The following UBN2 variants were observed in gnomAD, a reference collection of about 807,000 sequenced individuals.
UBN2 encodes ubinuclein-2.
A neutral mutation model predicts 120.2 loss-of-function variants in UBN2; 35 were observed. The ratio of observed to expected loss-of-function variants is 0.29; its 90% CI spans 0.22 to 0.39. UBN2 has a LOEUF of 0.39. Among genes scored for constraint, UBN2 ranks in the 10% least tolerant of loss-of-function variants. UBN2 has a pLI of 1.00. For missense variants in UBN2, 1,693 were observed against 1,663.2 expected (o/e 1.02, Z -0.31); for synonymous variants, 661 against 648.7 (o/e 1.02, Z -0.29).
At chr7:139,281,973 A>G (rs763580415) in intron 13 of UBN2, 32 bp from the exon 14 acceptor site, 2 of 1,606,454 alleles carry the variant, frequency 1.2e-6, no homozygotes, top group Admixed American at 3.3e-5. Context: ...GTGTAACAGT[A>G]TTCTTAACAG....
the UBN2 span, among the ~76,000 whole-genome samples, chr7:139,318,613 AG>A: frequency 6.6e-6 from 1 of 152,042 alleles, no homozygotes; most frequent in African/African-American, 2.4e-5. Context: ...CTCCCACCTC[AG>A]TCTCCCAAAT....
At chr7:139,292,096 C>CA (rs1297050851) in intron 15 of UBN2, among the ~76,000 whole-genome samples, 2 of 151,598 alleles carry the variant, frequency 1.3e-5, no homozygotes, top group South Asian at 2.1e-4. Context: ...ATAATAAATA[C>CA]AAAAAATGTT....
intron 17 of UBN2, among the ~76,000 whole-genome samples, chr7:139,295,749 A>G (rs958597747): frequency 3.3e-5 from 5 of 152,262 alleles, no homozygotes; most frequent in South Asian, 2.1e-4. Context: ...GTGAAACACT[A>G]TCTCTACAAA....
chr7:139,281,936 CT>C, intron 13 of UBN2, 68 bp from the exon 14 acceptor site: 1 of 1,495,996 alleles, frequency 6.7e-7, no homozygotes, highest in Non-Finnish European at 9.3e-7. Context: ...AGAGTAAAAG[CT>C]TAGAAAAAAT....
At chr7:139,281,133 T>C (rs1797596054) in intron 13 of UBN2, among the ~76,000 whole-genome samples, 1 of 152,222 alleles carries the variant, frequency 6.6e-6, no homozygotes, top group Non-Finnish European at 1.5e-5. Context: ...AACATATGAT[T>C]AATAGAATAA....
At chr7:139,329,960 GA>G in the UBN2 span, among the ~76,000 whole-genome samples, 4 of 152,136 alleles carry the variant, frequency 2.6e-5, no homozygotes, top group Non-Finnish European at 5.9e-5. Context: ...CAATGACTAA[GA>G]ACTCTAGCTT....
downstream of UBN2, among the ~76,000 whole-genome samples, chr7:139,310,006 G>GT (rs1434555388): frequency 6.6e-6 from 1 of 152,136 alleles, no homozygotes; most frequent in African/African-American, 2.4e-5. Flanking sequence ...ACATGAGTAA[G>GT]TAAGTTGTTT....
intron 7 of UBN2, among the ~76,000 whole-genome samples, chr7:139,267,834 G>C (rs1797145614): frequency 6.6e-6 from 1 of 152,140 alleles, no homozygotes; most frequent in South Asian, 2.1e-4. Context: ...ATTTTCAGAT[G>C]GAGTCTTTTC....
chr7:139,293,631 CTG>C, intron 16 of UBN2, 168 bp downstream of exon 16: 1 of 655,112 alleles, frequency 1.5e-6, no homozygotes, highest in African/African-American at 1.9e-5. Context: ...TTATTGGACA[CTG>C]GGGTTTTATA....
At chr7:139,317,513 G>A in the UBN2 span, among the ~76,000 whole-genome samples, 13 of 151,166 alleles carry the variant, frequency 8.6e-5, no homozygotes, top group Admixed American at 1.3e-4. Flanking sequence ...TCTGAAACTC[G>A]TATTAGGCAG....
At chr7:139,253,364 T>A (rs868304667) in intron 3 of UBN2, among the ~76,000 whole-genome samples, 1 of 152,216 alleles carries the variant, frequency 6.6e-6, no homozygotes, top group African/African-American at 2.4e-5. Context: ...GTGGAATTTA[T>A]TGGTCAAAGG....
At chr7:139,247,181 A>G (rs957389381) in intron 2 of UBN2, among the ~76,000 whole-genome samples, 2 of 152,134 alleles carry the variant, frequency 1.3e-5, no homozygotes, top group African/African-American at 4.8e-5. Flanking sequence ...AAAACTACCA[A>G]ACCATTTTCC....
At chr7:139,271,048 C>T (rs1214615379) in intron 8 of UBN2, among the ~76,000 whole-genome samples, 5 of 152,004 alleles carry the variant, frequency 3.3e-5, no homozygotes, top group Non-Finnish European at 7.4e-5. Flanking sequence ...TCCTAAAGTA[C>T]TGGGATTACA....
rs541190715 is a variant in UBN2 at position 139,273,308 on chromosome 7, A to T, written c.1727A>T (p.Asp576Val). The T allele has an allele frequency of 6.2e-7, 1 of 1,606,462 alleles. No homozygotes were observed. Among genetic ancestry groups the T allele is most frequent in the African/African-American group, 1.3e-5 (1 of 74,600 alleles). The change falls in exon 10 of 18, where the codon GAT becomes GTT. Residue 576 changes from aspartate to valine, a missense_variant. By Grantham distance (152) the Asp-to-Val change is radical. This residue lies in a region of UBN2 where 178 missense variants were observed against 204.0 expected (regional missense o/e 0.87). Transcript: ENST00000473989. ...TTTTTCATTTTTAGATTGCAGACAG[A>T]TGAAGAACGAGAAAAAAATGGATCT... The part of the protein sequence containing the change: ...SQAKCAKLQT[D>V]EEREKNGSEE...
the UBN2 span, among the ~76,000 whole-genome samples, chr7:139,317,538 A>G: frequency 6.6e-6 from 1 of 151,840 alleles, no homozygotes; most frequent in Non-Finnish European, 1.5e-5. Flanking sequence ...TGACACTAAT[A>G]TTTTCCATAT....
At position 139,299,144 on chromosome 7, in the gene UBN2, G is replaced by GGAAAAATTTATGGTTCTCCTT. The variant is rs1490399552; in HGVS notation, c.*1310_*1330dup. ...AGCATATTCAACAAAGGATGTTAAG[G>GGAAAAATTTATGGTTCTCCTT]GAAAAATTTATGGTTCTCCTTGGAT... On this transcript the variant is annotated 3_prime_UTR_variant, in exon 18 of 18. Transcript: ENST00000473989. 1 of 152,010 alleles carries GGAAAAATTTATGGTTCTCCTT rather than the reference G, an allele frequency of 6.6e-6. No individual in the cohort carries two copies. The highest frequency in any genetic ancestry group is 1.9e-4 in the East Asian group (1 of 5,198). 9.4% of individuals were successfully genotyped at this position (152,010 alleles called of 1,614,324 possible).
chr7:139,310,948 G>T (rs527902534), downstream of UBN2, among the ~76,000 whole-genome samples: 1 of 152,164 alleles, frequency 6.6e-6, no homozygotes, highest in African/African-American at 2.4e-5. Context: ...TACTATCAGA[G>T]GTAAACCACA....
At chr7:139,254,071 A>G (rs1796692049) in intron 3 of UBN2, among the ~76,000 whole-genome samples, 1 of 152,184 alleles carries the variant, frequency 6.6e-6, no homozygotes, top group Non-Finnish European at 1.5e-5. Flanking sequence ...AGGCCGGCAG[A>G]TCACGAGGTC....
intron 3 of UBN2, among the ~76,000 whole-genome samples, chr7:139,252,290 T>C (rs1796644689): frequency 6.6e-6 from 1 of 152,074 alleles, no homozygotes; most frequent in South Asian, 2.1e-4. Context: ...ATTGTTAAAA[T>C]AGACCAAGTT....
Sources: allele counts gnomAD v4.1 joint callset (sites outside exome capture counted in the v4.1 genomes callset), GRCh38; gene constraint gnomAD v4.1.1; regional missense constraint gnomAD v4.1.1; transcripts MANE v1.5; gene names NCBI Gene and HGNC (gene_info 2026-07-23, HGNC 2026-07-21).